The following COL8A1 variants were observed in gnomAD, a reference collection of about 807,000 sequenced individuals.
COL8A1 encodes collagen alpha-1(VIII) chain.
In COL8A1, 21 loss-of-function variants were observed where a neutral mutation model predicts 42.7. The ratio of observed to expected loss-of-function variants is 0.49; its 90% CI spans 0.35 to 0.71. The LOEUF (loss-of-function observed/expected upper bound fraction) is 0.71. Among genes scored for constraint, COL8A1 ranks in the 30% least tolerant of loss-of-function variants. The pLI is 0.01. For synonymous variants in COL8A1, 367 were observed against 369.1 expected (o/e 0.99, Z 0.06); for missense variants, 788 against 962.4 (o/e 0.82, Z 2.40).
chr3:99,757,507 G>C (rs1941277324), intron 2 of COL8A1, among the ~76,000 whole-genome samples: 1 of 152,132 alleles, frequency 6.6e-6, no homozygotes, highest in African/African-American at 2.4e-5. Flanking sequence ...TTGTCAGGCT[G>C]GTAGCCCCAA....
intron 2 of COL8A1, among the ~76,000 whole-genome samples, chr3:99,771,207 GTTATT>G (rs1388743089): frequency 6.6e-6 from 1 of 152,194 alleles, no homozygotes; most frequent in Non-Finnish European, 1.5e-5. Context: ...GAGTCTGGAT[GTTATT>G]CAAAGAATAA....
chr3:99,639,501 A>T (rs1017962812), intron 1 of COL8A1, among the ~76,000 whole-genome samples: 3 of 152,246 alleles, frequency 2.0e-5, no homozygotes, highest in African/African-American at 7.2e-5. Flanking sequence ...TGGAAGTTTT[A>T]ATCCTTCTTT....
At chr3:99,702,685 T>C (rs1939575056) in intron 1 of COL8A1, among the ~76,000 whole-genome samples, 1 of 152,180 alleles carries the variant, frequency 6.6e-6, no homozygotes, top group Admixed American at 6.5e-5. Flanking sequence ...AACACATGCT[T>C]ACTCAGTACC....
intron 1 of COL8A1, among the ~76,000 whole-genome samples, chr3:99,671,576 C>T (rs1269934848): frequency 6.6e-6 from 1 of 151,948 alleles, no homozygotes. Flanking sequence ...TGTGTCTTTT[C>T]ACCAACATCT....
chr3:99,791,022 C>G lies in COL8A1; in HGVS notation c.328+12C>G. ...CAAGAAAGGCAAAGGTAACATCATA[C>G]TCCCAGGCTGTTATAAAACAACAGC... On this transcript the variant is annotated intron_variant, in intron 3 of 3. Transcript: ENST00000652472. The G allele has an allele frequency of 6.3e-7, 1 of 1,596,282 alleles. No individual in the cohort carries two copies. Among genetic ancestry groups the G allele is most frequent in the African/African-American group, 1.3e-5 (1 of 74,562 alleles).
At chr3:99,689,121 G>A (rs749740148) in intron 1 of COL8A1, among the ~76,000 whole-genome samples, 1 of 152,170 alleles carries the variant, frequency 6.6e-6, no homozygotes, top group South Asian at 2.1e-4. Context: ...ATTAATTAAT[G>A]ACTAATTTAA....
chr3:99,686,503 TAAG>T (rs111909035), intron 1 of COL8A1, among the ~76,000 whole-genome samples: 116 of 152,188 alleles, frequency 7.6e-4, no homozygotes, highest in African/African-American at 2.8e-3. Context: ...TATCCTATCC[TAAG>T]AAGAACAGTG....
intron 1 of COL8A1, among the ~76,000 whole-genome samples, chr3:99,712,449 T>G (rs887831018): frequency 6.6e-6 from 1 of 152,172 alleles, no homozygotes; most frequent in African/African-American, 2.4e-5. Flanking sequence ...TTCTTTTCCA[T>G]AGTCCACCTC....
chr3:99,708,043 T>C (rs1240506669), intron 1 of COL8A1, among the ~76,000 whole-genome samples: 1 of 152,142 alleles, frequency 6.6e-6, no homozygotes, highest in Non-Finnish European at 1.5e-5. Flanking sequence ...GTGAACTCCA[T>C]CCAGCACCTT....
chr3:99,773,264 A>C (rs945115615), intron 2 of COL8A1, among the ~76,000 whole-genome samples: 4 of 152,204 alleles, frequency 2.6e-5, no homozygotes, highest in Non-Finnish European at 5.9e-5. Context: ...ATTGTTAATA[A>C]TAACAAGACT....
At chr3:99,695,778 G>A (rs760759869) in intron 1 of COL8A1, among the ~76,000 whole-genome samples, 8 of 152,100 alleles carry the variant, frequency 5.3e-5, no homozygotes, top group Non-Finnish European at 7.3e-5. Flanking sequence ...TTTGTTCCTC[G>A]TTATATCTAG....
At chr3:99,693,800 G>C (rs1347889258) in intron 1 of COL8A1, among the ~76,000 whole-genome samples, 1 of 152,190 alleles carries the variant, frequency 6.6e-6, no homozygotes, top group South Asian at 2.1e-4. Flanking sequence ...ATAATGTGCA[G>C]TAGTGTCCTG....
In COL8A1 at chr3:99,796,992, G is replaced by A. The variant is rs1942119799; in HGVS notation, c.*856G>A. ...TATTTTCCTATTTTCTTTCCTCCAT[G>A]TAATTTTCACTATGGCCCAACTAAT... is the stretch of plus-strand genomic sequence containing the variant. On this transcript the variant is annotated 3_prime_UTR_variant, in exon 4 of 4. Transcript: ENST00000652472. 1 of 152,004 alleles carries A rather than the reference G, an allele frequency of 6.6e-6. No homozygotes were observed. The highest frequency in any genetic ancestry group is 2.4e-5 in the African/African-American group (1 of 41,382). 9.4% of individuals were successfully genotyped at this position (152,004 alleles called of 1,614,324 possible).
At chr3:99,741,831 G>A (rs569267971) in intron 1 of COL8A1, among the ~76,000 whole-genome samples, 8 of 152,308 alleles carry the variant, frequency 5.3e-5, no homozygotes, top group Non-Finnish European at 1.2e-4. Flanking sequence ...TGCTCAATTG[G>A]TCAGTTCATA....
intron 1 of COL8A1, among the ~76,000 whole-genome samples, chr3:99,734,913 T>C (rs1388924088): frequency 6.6e-6 from 1 of 152,022 alleles, no homozygotes; most frequent in African/African-American, 2.4e-5. Context: ...TTTGAAGCAA[T>C]TGTGAATGGG....
At chr3:99,649,447 C>T (rs989615172) in intron 1 of COL8A1, among the ~76,000 whole-genome samples, 1 of 152,136 alleles carries the variant, frequency 6.6e-6, no homozygotes, top group African/African-American at 2.4e-5. Flanking sequence ...AATTGTGCTA[C>T]TCTCTGTCCC....
At chr3:99,760,637 TTTGC>T (rs1223062650) in intron 2 of COL8A1, among the ~76,000 whole-genome samples, 1 of 152,174 alleles carries the variant, frequency 6.6e-6, no homozygotes, top group Non-Finnish European at 1.5e-5. Flanking sequence ...TTTAGCACAT[TTTGC>T]TTACCATTTT....
At position 99,702,583 on chromosome 3, in the gene COL8A1, T is replaced by G. The variant is rs771166663; in HGVS notation, c.-128-42314T>G. On this transcript the variant is annotated intron_variant, in intron 1 of 3. Coordinates refer to ENST00000652472, the MANE Select transcript of COL8A1 (RefSeq NM_020351.4). ...AGATTTCAATTCCTGTGAGTGATGA[T>G]CAACATGATGACAATGACAGCTAAT... 4.1e-4 allele frequency among the ~76,000 whole-genome samples: 63 copies of G among 152,220 alleles called. 1 individual carries two copies. The highest frequency in any genetic ancestry group is 6.5e-5 in the Admixed American group (1 of 15,282).
intron 1 of COL8A1, among the ~76,000 whole-genome samples, chr3:99,706,713 T>G (rs1333675187): frequency 6.6e-6 from 1 of 152,252 alleles, no homozygotes; most frequent in Non-Finnish European, 1.5e-5. Context: ...GTGCATGTTT[T>G]CATATCATTT....
Sources: allele counts gnomAD v4.1 joint callset (sites outside exome capture counted in the v4.1 genomes callset), GRCh38; gene constraint gnomAD v4.1.1; transcripts MANE v1.5; gene names NCBI Gene and HGNC (gene_info 2026-07-23, HGNC 2026-07-21).